BTG4: variants seen among roughly 807,000 people sequenced by gnomAD.
BTG4 encodes the protein BTG anti-proliferation factor 4.
BTG4 carries 10 observed loss-of-function variants against 19.3 expected under a neutral mutation model. The ratio of observed to expected loss-of-function variants is 0.52; its 90% CI spans 0.32 to 0.88. BTG4 has a LOEUF of 0.88. Among genes scored for constraint, BTG4 ranks in the 40% least tolerant of loss-of-function variants. The pLI, the probability that BTG4 is intolerant of heterozygous loss-of-function variation, is 0.04. For synonymous variants in BTG4, 91 were observed against 95.7 expected, an observed-to-expected ratio of 0.95 and a Z score of 0.29; for missense variants, 238 against 281.9, an observed-to-expected ratio of 0.84 and a Z score of 1.11.
chr11:111,467,714 A>T (rs1474793500), intron 5 of BTG4: 2 of 740,684 alleles, frequency 2.7e-6, no homozygotes. Flanking sequence ...GAAAGCAAAA[A>T]GAACAAATTT....
the BTG4 span, chr11:111,455,162 C>A: frequency 1.1e-5 from 5 of 435,258 alleles, no homozygotes; most frequent in Admixed American, 2.4e-5. Context: ...GAGGTCCAGG[C>A]TCCCTCCCTT....
the BTG4 span, among the ~76,000 whole-genome samples, chr11:111,443,969 T>G: frequency 1.3e-5 from 2 of 152,154 alleles, no homozygotes; most frequent in Non-Finnish European, 2.9e-5. Context: ...CTGCAAGCAT[T>G]TAAAACGGAC....
At chr11:111,441,984 G>A in the BTG4 span, among the ~76,000 whole-genome samples, 9 of 151,930 alleles carry the variant, frequency 5.9e-5, no homozygotes, top group Admixed American at 3.3e-4. Flanking sequence ...ACTTGAACCC[G>A]GGAGGAGGAG....
rs776168571 is a variant in BTG4, at chr11:111,497,272, T to C, written c.449A>G (p.Glu150Gly). 6.2e-7 allele frequency: 1 copy of C among 1,612,564 alleles called. No homozygotes were observed. Among genetic ancestry groups the C allele is most frequent in the South Asian group, 1.1e-5 (1 of 90,670 alleles). The change falls in exon 4 of 5, where the codon GAA becomes GGA. Residue 150 changes from glutamate (E) to glycine (G), a missense_variant. Coordinates refer to ENST00000692032, the MANE Select transcript of BTG4 (RefSeq NM_001367975.1). ...DVSSGTSCDE[E>G]SCSKEPRVIP... ...GACACGAGGTTCCTTGCTACAACTT[T>C]CTTCATCGCAGGAAGTGCCAGAGGA...
the BTG4 span, among the ~76,000 whole-genome samples, chr11:111,406,730 C>T: frequency 6.6e-6 from 1 of 152,188 alleles, no homozygotes; most frequent in Non-Finnish European, 1.5e-5. Context: ...CACTGAAGAG[C>T]TAGTACATTC....
chr11:111,471,266 G>T (rs1010421091), intron 5 of BTG4, among the ~76,000 whole-genome samples: 1 of 152,154 alleles, frequency 6.6e-6, no homozygotes, highest in African/African-American at 2.4e-5. Context: ...TAGATTTCCT[G>T]AATCCTGCTA....
chr11:111,510,605 C>T (rs1397801567), intron 1 of BTG4, among the ~76,000 whole-genome samples: 3 of 151,938 alleles, frequency 2.0e-5, no homozygotes, highest in Non-Finnish European at 2.9e-5. Context: ...TAACTGCAGG[C>T]CAAATCAACA....
At chr11:111,509,466 C>T (rs754139587) in intron 1 of BTG4, among the ~76,000 whole-genome samples, 20 of 151,828 alleles carry the variant, frequency 1.3e-4, no homozygotes, top group Non-Finnish European at 2.2e-4. Context: ...AAGGGGGGTG[C>T]GGTGGATCGC....
chr11:111,509,890 T>TTTTTTTC (rs1336096720), intron 1 of BTG4, among the ~76,000 whole-genome samples: 2 of 149,440 alleles, frequency 1.3e-5, no homozygotes, highest in African/African-American at 2.4e-5. Flanking sequence ...TCTCCATCTT[T>TTTTTTTC]TTTTTTCTTT....
At chr11:111,456,269 C>A in the BTG4 span, among the ~76,000 whole-genome samples, 5 of 152,144 alleles carry the variant, frequency 3.3e-5, no homozygotes, top group Admixed American at 6.5e-5. This position sits in a 1 kb window ranked among gnomAD's most constrained non-coding sequence, Gnocchi z 4.2. Context: ...TAGGCTGTTG[C>A]CACCATTTCC....
chr11:111,509,588 C>T (rs1472181603), intron 1 of BTG4, among the ~76,000 whole-genome samples: 2 of 151,732 alleles, frequency 1.3e-5, no homozygotes, highest in Non-Finnish European at 2.9e-5. Flanking sequence ...CCCAGCTACT[C>T]AGGAGTATGA....
the BTG4 span, chr11:111,398,005 T>G: frequency 6.6e-6 from 1 of 152,228 alleles, no homozygotes; most frequent in African/African-American, 2.4e-5. Context: ...ATCCTCTGCT[T>G]CTGCCCTGTC....
At chr11:111,432,683 T>G in the BTG4 span, among the ~76,000 whole-genome samples, 1 of 151,970 alleles carries the variant, frequency 6.6e-6, no homozygotes, top group African/African-American at 2.4e-5. Context: ...TGAGAGAAAC[T>G]AGCAGGTCAA....
chr11:111,431,502 G>GC, the BTG4 span, among the ~76,000 whole-genome samples: 3 of 152,134 alleles, frequency 2.0e-5, no homozygotes, highest in Non-Finnish European at 4.4e-5. Context: ...CAACCAAGAG[G>GC]CCCCTCCAAA....
chr11:111,437,089 A>T, the BTG4 span, among the ~76,000 whole-genome samples: 1 of 152,032 alleles, frequency 6.6e-6, no homozygotes, highest in South Asian at 2.1e-4. Flanking sequence ...CATCATCTGG[A>T]ACTCTTCCTG....
the BTG4 span, chr11:111,458,299 TCCTA>T: frequency 6.6e-6 from 1 of 151,918 alleles, no homozygotes; most frequent in Non-Finnish European, 1.5e-5. Context: ...GCTTTGATGC[TCCTA>T]GGCCCATAAG....
At chr11:111,425,984 T>C in the BTG4 span, among the ~76,000 whole-genome samples, 1 of 151,984 alleles carries the variant, frequency 6.6e-6, no homozygotes, top group Non-Finnish European at 1.5e-5. Flanking sequence ...TGAGCCGAGA[T>C]TGCGCCACTG....
downstream of BTG4, among the ~76,000 whole-genome samples, chr11:111,465,859 C>G (rs1419702931): frequency 6.6e-6 from 1 of 152,052 alleles, no homozygotes; most frequent in Admixed American, 6.6e-5. Flanking sequence ...TGGCTTTTGG[C>G]TAACAAAGCC....
chr11:111,423,814 G>T, the BTG4 span, among the ~76,000 whole-genome samples: 1 of 152,158 alleles, frequency 6.6e-6, no homozygotes, highest in Non-Finnish European at 1.5e-5. Context: ...TACACATAAA[G>T]ACCACTTTCT....
Sources: allele counts gnomAD v4.1 joint callset (sites outside exome capture counted in the v4.1 genomes callset), GRCh38; gene constraint gnomAD v4.1.1; non-coding constraint Gnocchi (gnomAD v3.1); transcripts MANE v1.5; gene names NCBI Gene and HGNC (gene_info 2026-07-23, HGNC 2026-07-21).